Variants in TBX5 observed in about 807,000 individuals in gnomAD.
TBX5 encodes the protein T-box transcription factor TBX5.
A neutral mutation model predicts 51.1 loss-of-function variants in TBX5; 8 were observed. The observed-to-expected ratio is 0.16, with a 90% CI of 0.09 to 0.28. The LOEUF (loss-of-function observed/expected upper bound fraction) is 0.28, where lower values mean the gene tolerates loss of function less well. Ranked by LOEUF, TBX5 falls within the 10% of genes least tolerant of loss-of-function variation. TBX5 has a pLI of 1.00. For missense variants in TBX5, 589 were observed against 671.7 expected, an observed-to-expected ratio of 0.88 and a Z score of 1.36; for synonymous variants, 302 against 266.4, an observed-to-expected ratio of 1.13 and a Z score of -1.30.
chr12:114,387,954 G>A (rs971894650), intron 6 of TBX5, among the ~76,000 whole-genome samples: 9 of 151,736 alleles, frequency 5.9e-5, no homozygotes, highest in African/African-American at 1.5e-4. Flanking sequence ...CTCCTGCCTC[G>A]GCATCCCGAG....
At chr12:114,392,842 G>A (rs1871235516) in intron 6 of TBX5, among the ~76,000 whole-genome samples, 1 of 152,112 alleles carries the variant, frequency 6.6e-6, no homozygotes, top group South Asian at 2.1e-4. Context: ...CATCTTTCAG[G>A]GCATTCGACC....
intron 7 of TBX5, among the ~76,000 whole-genome samples, chr12:114,370,643 C>CTT (rs1168048348): frequency 1.3e-5 from 1 of 79,158 alleles, no homozygotes; most frequent in Non-Finnish European, 3.3e-5. Context: ...CTCTCCCTCT[C>CTT]TCTCTCTCTC....
intron 5 of TBX5, 139 bp downstream of exon 5, chr12:114,398,434 C>T (rs1445691502): frequency 1.6e-6 from 2 of 1,245,616 alleles, no homozygotes; most frequent in Admixed American, 2.0e-5. Context: ...AGGCAGAAAG[C>T]GACGAAAGTG....
intron 2 of TBX5, among the ~76,000 whole-genome samples, chr12:114,402,462 C>T (rs750854341): frequency 5.3e-5 from 8 of 152,192 alleles, no homozygotes; most frequent in Non-Finnish European, 7.3e-5. Context: ...TGCTTATTCT[C>T]GACCATGGTG....
intron 7 of TBX5, among the ~76,000 whole-genome samples, chr12:114,372,031 G>A (rs1869937415): frequency 6.6e-6 from 1 of 152,184 alleles, no homozygotes; most frequent in Non-Finnish European, 1.5e-5. Context: ...CTTATAAGTG[G>A]AGCTAAAGAA....
rs911859031 is a variant in TBX5 at position 114,361,181 on chromosome 12, T to A, written c.982+4984A>T. Among the ~76,000 whole-genome samples, 6 of 152,268 alleles carry A rather than the reference T, an allele frequency of 3.9e-5. No homozygotes were observed. The East Asian group carries it at 1.2e-3, about 29-fold the overall frequency. The stretch of plus-strand genomic sequence containing the variant: ...CCCTGTCTCTTGGTCCTCCATTAGA[T>A]CCCTGCAAAATAGAGATGGGTGGCA... On this transcript the variant is annotated intron_variant, in intron 8 of 8. Coordinates refer to ENST00000405440, the MANE Select transcript of TBX5 (RefSeq NM_181486.4).
intron 8 of TBX5, among the ~76,000 whole-genome samples, chr12:114,365,846 G>GA (rs1212815308): frequency 6.8e-5 from 8 of 117,018 alleles, no homozygotes; most frequent in East Asian, 2.8e-4. Flanking sequence ...AAAAAAAAAA[G>GA]AAAAAAAAAA....
chr12:114,386,168 C>G lies in TBX5; in HGVS notation c.664-601G>C, dbSNP rs1012942363. ...GATAACTTATATAATAGCTATTGAA[C>G]AGCACCAAACCTCTTTAATGTCCTA... On this transcript the variant is annotated intron_variant, in intron 6 of 8. Coordinates refer to ENST00000405440, the MANE Select transcript of TBX5 (RefSeq NM_181486.4). Among the ~76,000 whole-genome samples the G allele has an allele frequency of 2.4e-4, 36 of 152,114 alleles. 1 individual carries two copies. The highest frequency in any genetic ancestry group is 5.2e-4 in the Admixed American group (8 of 15,270).
chr12:114,406,926 C>T, upstream of TBX5: 1 of 430,480 alleles, frequency 2.3e-6, no homozygotes, highest in Non-Finnish European at 3.1e-6. Flanking sequence ...CTGAGCAGAC[C>T]CAGATTGGGA....
intron 8 of TBX5, among the ~76,000 whole-genome samples, chr12:114,363,655 T>C (rs1324812254): frequency 6.6e-6 from 1 of 152,196 alleles, no homozygotes; most frequent in Non-Finnish European, 1.5e-5. Flanking sequence ...TATAGAGTAG[T>C]GGTGAAATGC....
intron 7 of TBX5, among the ~76,000 whole-genome samples, chr12:114,371,501 G>T (rs1225698231): frequency 6.6e-6 from 1 of 151,936 alleles, no homozygotes; most frequent in Non-Finnish European, 1.5e-5. Flanking sequence ...ATGAACACCC[G>T]GGAGAACGTT....
chr12:114,365,745 A>G (rs1869485230), intron 8 of TBX5, among the ~76,000 whole-genome samples: 1 of 149,526 alleles, frequency 6.7e-6, no homozygotes, highest in Admixed American at 6.8e-5. Flanking sequence ...TGAAAGGATC[A>G]CTTAAGCCCA....
intron 5 of TBX5, 150 bp downstream of exon 5, chr12:114,398,423 G>A: frequency 9.5e-7 from 1 of 1,054,448 alleles, no homozygotes; most frequent in Non-Finnish European, 1.4e-6. Flanking sequence ...CAAGAAGGTA[G>A]AGGCAGAAAG....
intron 3 of TBX5, among the ~76,000 whole-genome samples, chr12:114,399,851 G>T (rs1052402821): frequency 1.3e-5 from 2 of 152,188 alleles, no homozygotes; most frequent in African/African-American, 4.8e-5. Context: ...GCAACTGTAG[G>T]TAACCTAAGC....
At chr12:114,356,820 C>T (rs2136361258) in intron 8 of TBX5, among the ~76,000 whole-genome samples, 1 of 152,260 alleles carries the variant, frequency 6.6e-6, no homozygotes, top group South Asian at 2.1e-4. Context: ...TACTATTATC[C>T]TCATCTTACA....
At chr12:114,394,659 G>A (rs1871323862) in intron 6 of TBX5, 82 bp downstream of exon 6, 3 of 1,598,666 alleles carry the variant, frequency 1.9e-6, no homozygotes, top group Non-Finnish European at 2.6e-6. Flanking sequence ...GAGGAGCAAA[G>A]TTCCAGCAGG....
At chr12:114,372,981 T>TAC (rs56137685) in intron 7 of TBX5, among the ~76,000 whole-genome samples, 3,917 of 142,872 alleles carry the variant, frequency 0.027, 78 homozygotes, top group African/African-American at 0.064. Context: ...TATATATACA[T>TAC]ACACACACAC....
rs375937246 is a variant in TBX5, at chr12:114,388,286, T to C, written c.664-2719A>G. Among the ~76,000 whole-genome samples the C allele has an allele frequency of 3.7e-4, 57 of 152,150 alleles. 1 individual carries two copies. The highest frequency in any genetic ancestry group is 5.9e-4 in the Non-Finnish European group (40 of 67,994). On this transcript the variant is annotated intron_variant, in intron 6 of 8. Coordinates refer to ENST00000405440, the MANE Select transcript of TBX5 (RefSeq NM_181486.4). ...AATTCTCGTGTCTCAGCCTCCCAAG[T>C]AGTTGGGATTACATGTGCCTGCCAC... is the stretch of plus-strand genomic sequence containing the variant.
intron 7 of TBX5, among the ~76,000 whole-genome samples, chr12:114,382,521 AGGCGTGGT>A (rs558458358): frequency 1.0e-3 from 153 of 152,172 alleles, no homozygotes; most frequent in African/African-American, 3.2e-3. Context: ...AATTTAGGCT[AGGCGTGGT>A]GGCTCACGCC....
Sources: gnomAD v4.1 joint callset for allele counts (sites outside exome capture counted in the v4.1 genomes callset) on GRCh38, gnomAD v4.1.1 for gene constraint, MANE v1.5 for transcripts, NCBI Gene and HGNC (gene_info 2026-07-23, HGNC 2026-07-21) for gene names.